The following ADCY9 variants were observed in gnomAD, a reference collection of about 807,000 sequenced individuals.
ADCY9 encodes adenylate cyclase 9, also known as adenylate cyclase type 9.
A neutral mutation model predicts 101.5 loss-of-function variants in ADCY9; 50 were observed. The observed-to-expected ratio is 0.49, with a 90% CI of 0.39 to 0.62. ADCY9 has a LOEUF of 0.62. ADCY9 is among the 20% of genes least tolerant of loss of function. ADCY9 has a pLI of 0.00. For missense variants in ADCY9, 1,662 were observed against 1,800.4 expected (o/e 0.92, Z 1.39); for synonymous variants, 905 against 769.3 (o/e 1.18, Z -2.92).
At chr16:3,972,111 G>T (rs2056057090) in intron 10 of ADCY9, among the ~76,000 whole-genome samples, 1 of 152,156 alleles carries the variant, frequency 6.6e-6, no homozygotes, top group African/African-American at 2.4e-5. Context: ...ACAGGTACGA[G>T]GACAGCTTCC....
At chr16:3,967,151 G>A (rs2056006492) in intron 10 of ADCY9, among the ~76,000 whole-genome samples, 185 bp from the exon 11 acceptor site, 1 of 152,276 alleles carries the variant, frequency 6.6e-6, no homozygotes, top group South Asian at 2.1e-4. Context: ...TTTTGAAACT[G>A]ATTGATTTCA....
chr16:4,044,621 G>A (rs928022466), intron 2 of ADCY9, among the ~76,000 whole-genome samples: 8 of 152,058 alleles, frequency 5.3e-5, no homozygotes, highest in African/African-American at 1.9e-4. Context: ...CTTTAACCAC[G>A]AGCCACTTTA....
chr16:4,064,728 C>G (rs902479261), intron 2 of ADCY9, among the ~76,000 whole-genome samples: 4 of 152,116 alleles, frequency 2.6e-5, no homozygotes. Flanking sequence ...ATCCTCCCAC[C>G]TGGACCTCCC....
Position 4,097,555 on chromosome 16 carries a change from T to TATA in ADCY9, c.1693+16194_1693+16195insTAT, listed in dbSNP as rs1567147091. ...TATATATATATATATATATATATAT[T>TATA]TTTTTTTTTTTTTTTTAAGACAGAG... On this transcript the variant is annotated intron_variant, in intron 2 of 10. Transcript: ENST00000294016. Among the ~76,000 whole-genome samples the TATA allele has an allele frequency of 1.5e-3, 81 of 55,044 alleles. 4 individuals carry two copies. The highest frequency in any genetic ancestry group is 4.4e-3 in the African/African-American group (38 of 8,622). The allele number at this position is 55,044 out of a possible 152,430, so 36.1% of individuals were successfully genotyped here.
intron 2 of ADCY9, among the ~76,000 whole-genome samples, chr16:4,056,996 C>A (rs2056742683): frequency 6.7e-6 from 1 of 148,444 alleles, no homozygotes; most frequent in African/African-American, 2.5e-5. Context: ...AGAGGTCAGA[C>A]CAACAACTCA....
At chr16:4,106,422 T>G (rs437115) in intron 2 of ADCY9, among the ~76,000 whole-genome samples, 2 of 151,968 alleles carry the variant, frequency 1.3e-5, no homozygotes, top group African/African-American at 4.8e-5. Context: ...CACCGGTGCC[T>G]GGCCACTTCC....
chr16:4,085,975 C>T (rs1244293999), intron 2 of ADCY9, among the ~76,000 whole-genome samples: 1 of 151,862 alleles, frequency 6.6e-6, no homozygotes, highest in African/African-American at 2.4e-5. Flanking sequence ...AAAAACAACA[C>T]TCGCTGAGTA....
chr16:4,051,808 T>TGG (rs2056703697), intron 2 of ADCY9, among the ~76,000 whole-genome samples: 1 of 152,160 alleles, frequency 6.6e-6, no homozygotes, highest in Non-Finnish European at 1.5e-5. Flanking sequence ...ACATCACCAT[T>TGG]TGGCAATGCT....
At chr16:3,968,237 A>T (rs2056016885) in intron 10 of ADCY9, among the ~76,000 whole-genome samples, 1 of 151,700 alleles carries the variant, frequency 6.6e-6, no homozygotes, top group South Asian at 2.1e-4. Flanking sequence ...GGTTCAAGTG[A>T]TTCTCCTGCC....
At chr16:3,986,661 T>G (rs2056195973) in intron 6 of ADCY9, among the ~76,000 whole-genome samples, 1 of 152,294 alleles carries the variant, frequency 6.6e-6, no homozygotes, top group Admixed American at 6.5e-5. Flanking sequence ...TTTCACTATG[T>G]TGGCCAGGCT....
chr16:4,045,329 G>A (rs1453766114), intron 2 of ADCY9, among the ~76,000 whole-genome samples: 2 of 152,036 alleles, frequency 1.3e-5, no homozygotes, highest in Admixed American at 6.6e-5. Context: ...GGGCACGGTG[G>A]TTCACGCCTG....
chr16:4,017,260 TAAAA>T (rs2056444651), intron 2 of ADCY9, among the ~76,000 whole-genome samples: 1 of 149,816 alleles, frequency 6.7e-6, no homozygotes, highest in African/African-American at 2.4e-5. Flanking sequence ...AGAGAAGAAA[TAAAA>T]TAAAGCTGGG....
chr16:3,982,884 C>T, intron 7 of ADCY9: 1 of 289,036 alleles, frequency 3.5e-6, no homozygotes. Context: ...GTCCCAGGCC[C>T]ACTACCCCCG....
Position 3,992,332 on chromosome 16 carries a change from TTC to T in ADCY9, c.2019_2020del (p.Asn674ArgfsTer20). 6.2e-7 allele frequency: 1 copy of T among 1,613,856 alleles called. No homozygotes were observed. The highest frequency in any genetic ancestry group is 8.5e-7 in the Non-Finnish European group (1 of 1,179,944). On this transcript the variant is annotated frameshift_variant, in exon 5 of 11. Coordinates refer to ENST00000294016, the MANE Select transcript of ADCY9 (RefSeq NM_001116.4). LOFTEE classifies it high-confidence loss of function. The surrounding 1 kb of genome is among the most constrained non-coding windows in gnomAD (Gnocchi z 4.2). Reference sequence around the variant, plus strand: ...CTCTTGGGGAGGGCTGAGGAGCCCGTTCTGAGTTTTGGGATTAGGTCCTCCAG... The same window carrying T: ...CTCTTGGGGAGGGCTGAGGAGCCCGTTGAGTTTTGGGATTAGGTCCTCCAG...
intron 10 of ADCY9, 92 bp from the exon 11 acceptor site, chr16:3,967,058 TC>T: frequency 1.9e-6 from 2 of 1,062,318 alleles, no homozygotes; most frequent in Non-Finnish European, 2.7e-6. Flanking sequence ...CTTTGTTGAG[TC>T]CAGGCCTTCA....
At chr16:4,062,158 T>C (rs879602787) in intron 2 of ADCY9, among the ~76,000 whole-genome samples, 2 of 152,122 alleles carry the variant, frequency 1.3e-5, no homozygotes, top group Non-Finnish European at 2.9e-5. Flanking sequence ...ATCTCTACTT[T>C]TTAAAAGCTA....
intron 2 of ADCY9, among the ~76,000 whole-genome samples, chr16:4,068,961 C>T (rs1386575930): frequency 6.6e-6 from 1 of 152,154 alleles, no homozygotes; most frequent in Non-Finnish European, 1.5e-5. Flanking sequence ...TGATTTCCCA[C>T]TTTCTGCTAT....
Position 3,997,312 on chromosome 16 carries a change from C to G in ADCY9, c.1885-3802G>C, listed in dbSNP as rs555964306. Among the ~76,000 whole-genome samples, 13 of 152,358 alleles carry G rather than the reference C, an allele frequency of 8.5e-5. No homozygotes were observed. In the South Asian group the frequency reaches 2.1e-3, roughly 24 times the overall value. Reference sequence around the variant, plus strand: ...TTGGCACCAGAGGGCACACTGAGGACAGGGGGCTCCATGCCCTCCACAAGG... The same window carrying G: ...TTGGCACCAGAGGGCACACTGAGGAGAGGGGGCTCCATGCCCTCCACAAGG... On this transcript the variant is annotated intron_variant, in intron 3 of 10. Transcript: ENST00000294016.
intron 7 of ADCY9, among the ~76,000 whole-genome samples, chr16:3,980,158 G>A (rs1343159940): frequency 3.9e-5 from 6 of 152,244 alleles, no homozygotes; most frequent in Non-Finnish European, 7.3e-5. Flanking sequence ...TTGTACGTGA[G>A]GTCCAGCACC....
Sources: allele counts gnomAD v4.1 joint callset (sites outside exome capture counted in the v4.1 genomes callset), GRCh38; gene constraint gnomAD v4.1.1; non-coding constraint Gnocchi (gnomAD v3.1); transcripts MANE v1.5; gene names NCBI Gene and HGNC (gene_info 2026-07-23, HGNC 2026-07-21).